The following UHRF1 variants were observed in gnomAD, a reference collection of about 807,000 sequenced individuals.
UHRF1 encodes the protein E3 ubiquitin-protein ligase UHRF1.
A neutral mutation model predicts 96.5 loss-of-function variants in UHRF1; 9 were observed. The observed-to-expected ratio is 0.09, with a 90% CI of 0.06 to 0.16. The LOEUF (loss-of-function observed/expected upper bound fraction) is 0.16. UHRF1 is among the 10% of genes least tolerant of loss of function. UHRF1 has a pLI of 1.00. For synonymous variants in UHRF1, 455 were observed against 469.9 expected, an observed-to-expected ratio of 0.97 and a Z score of 0.41; for missense variants, 626 against 1,131.1, an observed-to-expected ratio of 0.55 and a Z score of 6.40.
intron 2 of UHRF1, among the ~76,000 whole-genome samples, chr19:4,922,147 A>G (rs373724649): frequency 2.0e-4 from 30 of 152,248 alleles, no homozygotes; most frequent in African/African-American, 7.2e-4. Flanking sequence ...GAGTCTCACC[A>G]TGTTGGCCAG....
At chr19:4,908,071 T>C, upstream of UHRF1, among the ~76,000 whole-genome samples, 1 of 152,180 alleles carries the variant, frequency 6.6e-6, no homozygotes, top group East Asian at 1.9e-4. Flanking sequence ...CTTTGACCTT[T>C]TGTATCCCTT....
chr19:4,945,833 A>G (rs2033547474), intron 9 of UHRF1, 28 bp from the exon 10 acceptor site: 1 of 1,574,076 alleles, frequency 6.4e-7, no homozygotes, highest in African/African-American at 1.4e-5. Context: ...TGCAGAGGAC[A>G]CCATGTATAT....
rs540632086 is a variant in UHRF1 at position 4,954,528 on chromosome 19, G to A, written c.1957+40G>A. 98 of 1,589,336 alleles carry A rather than the reference G, an allele frequency of 6.2e-5. No homozygotes were observed. Among genetic ancestry groups the A allele is most frequent in the Non-Finnish European group, 7.8e-5 (91 of 1,165,024 alleles). On this transcript the variant is annotated intron_variant, in intron 14 of 16. Transcript: ENST00000650932. The surrounding 1 kb of genome is among the most constrained non-coding windows in gnomAD (Gnocchi z 5.9). ...GGTGTGGGGTGAGCGTCTTGTGTGT[G>A]GGGGAGCAGGTGGGCATCTCGCGGG...
At chr19:4,933,505 G>A (rs1210864474) in intron 5 of UHRF1, among the ~76,000 whole-genome samples, 2 of 152,116 alleles carry the variant, frequency 1.3e-5, no homozygotes, top group East Asian at 1.9e-4. Flanking sequence ...GTGAGCCACC[G>A]TGCCTGGCCT....
chr19:4,911,059 T>C (rs749795779), intron 2 of UHRF1, 21 bp downstream of exon 2: 9 of 1,556,568 alleles, frequency 5.8e-6, no homozygotes, highest in African/African-American at 1.4e-5. Context: ...CGCCAGCACC[T>C]TTGTTCTATG....
chr19:4,916,775 C>T (rs1599244299), intron 2 of UHRF1, among the ~76,000 whole-genome samples: 1 of 152,232 alleles, frequency 6.6e-6, no homozygotes, highest in African/African-American at 2.4e-5. Context: ...CTGAGACGGG[C>T]CAGCAGGAGC....
chr19:4,944,055 G>C, intron 7 of UHRF1, 77 bp from the exon 8 acceptor site: 1 of 1,584,948 alleles, frequency 6.3e-7, no homozygotes, highest in Non-Finnish European at 8.6e-7. Flanking sequence ...CATGTCCGTG[G>C]TGTGTGGGCA....
Position 4,941,758 on chromosome 19 carries a change from G to A in UHRF1, c.900G>A (p.Pro300=), listed in dbSNP as rs4807002. The part of the protein sequence containing the change: ...VDNPMRRKSG[P]SCKHCKDDVN... Reference sequence around the variant, plus strand: ...CCCCGTGCCCAGGGAAGAGCGGGCCGTCCTGCAAGCACTGCAAGGACGACG... The same window carrying A: ...CCCCGTGCCCAGGGAAGAGCGGGCCATCCTGCAAGCACTGCAAGGACGACG... The change falls in exon 7 of 17, where the codon CCG becomes CCA. Residue 300 remains proline, a synonymous_variant. Coordinates refer to ENST00000650932, the MANE Select transcript of UHRF1 (RefSeq NM_001048201.3). The A allele has an allele frequency of 9.0e-6, 14 of 1,550,298 alleles. No individual in the cohort carries two copies. Among genetic ancestry groups the A allele is most frequent in the Admixed American group, 6.1e-5 (3 of 49,504 alleles).
intron 15 of UHRF1, among the ~76,000 whole-genome samples, chr19:4,955,771 C>T (rs1283766636): frequency 1.3e-5 from 2 of 152,004 alleles, no homozygotes; most frequent in African/African-American, 4.8e-5. Context: ...CCCGTGTACT[C>T]AGTATGCATT....
chr19:4,957,756 A>G (rs1310134198), intron 16 of UHRF1, among the ~76,000 whole-genome samples: 1 of 151,948 alleles, frequency 6.6e-6, no homozygotes, highest in Non-Finnish European at 1.5e-5. Flanking sequence ...GCCCCCACCC[A>G]CTCCATGCCA....
chr19:4,949,772 A>G (rs1207715500), intron 11 of UHRF1, among the ~76,000 whole-genome samples: 2 of 152,086 alleles, frequency 1.3e-5, no homozygotes, highest in Non-Finnish European at 2.9e-5. Context: ...AGGAGGCTGC[A>G]GTGAGTAAGG....
intron 11 of UHRF1, among the ~76,000 whole-genome samples, chr19:4,947,490 C>CTTTTTTTTTTTTTTTTTTTTTTTTTTT (rs985069179): frequency 1.7e-5 from 1 of 57,888 alleles, no homozygotes; most frequent in African/African-American, 6.7e-5. Context: ...TAATAGATAT[C>CTTTTTTTTTTTTTTTTTTTTTTTTTTT]TTTTTTTTTT....
chr19:4,934,954 T>C (rs1192054925), intron 5 of UHRF1, among the ~76,000 whole-genome samples: 1 of 150,650 alleles, frequency 6.6e-6, no homozygotes, highest in East Asian at 1.9e-4. Flanking sequence ...TTATATGGAA[T>C]CTGATTTTTA....
chr19:4,910,330 G>T (rs1302400380), intron 1 of UHRF1: 1 of 148,910 alleles, frequency 6.7e-6, no homozygotes, highest in African/African-American at 2.4e-5. Flanking sequence ...GCCCGGTCGC[G>T]CACGCGCGCG....
chr19:4,909,160 A>G (rs1048116380), upstream of UHRF1: 5 of 340,472 alleles, frequency 1.5e-5, no homozygotes, highest in East Asian at 1.8e-4. Flanking sequence ...CTACTGGTCA[A>G]TGCGTGCGAG....
intron 2 of UHRF1, among the ~76,000 whole-genome samples, chr19:4,920,174 G>A (rs1012674400): frequency 6.6e-6 from 1 of 152,160 alleles, no homozygotes; most frequent in Non-Finnish European, 1.5e-5. Flanking sequence ...GCTCATGCTT[G>A]TAATTTCAGC....
intron 16 of UHRF1, among the ~76,000 whole-genome samples, chr19:4,957,848 G>A (rs1400316671): frequency 6.6e-6 from 1 of 152,190 alleles, no homozygotes; most frequent in Admixed American, 6.5e-5. Context: ...TGCCCAGGTG[G>A]GCAGTGTGGG....
At chr19:4,931,674 G>A (rs2033056727) in intron 4 of UHRF1, among the ~76,000 whole-genome samples, 1 of 151,492 alleles carries the variant, frequency 6.6e-6, no homozygotes, top group African/African-American at 2.4e-5. Flanking sequence ...TCACTATGTA[G>A]GTGAGGCTGG....
intron 5 of UHRF1, among the ~76,000 whole-genome samples, chr19:4,934,651 G>A (rs894247799): frequency 5.3e-5 from 8 of 152,176 alleles, no homozygotes; most frequent in African/African-American, 1.4e-4. Context: ...TTTTGTGGCC[G>A]AGTGATAGTA....
Sources: allele counts gnomAD v4.1 joint callset (sites outside exome capture counted in the v4.1 genomes callset), GRCh38; gene constraint gnomAD v4.1.1; non-coding constraint Gnocchi (gnomAD v3.1); transcripts MANE v1.5; gene names NCBI Gene and HGNC (gene_info 2026-07-23, HGNC 2026-07-21).